Variants in SYT1 observed in about 807,000 individuals in gnomAD.
SYT1 encodes synaptotagmin 1, also known as synaptotagmin-1.
SYT1 carries 8 observed loss-of-function variants against 44.8 expected under a neutral mutation model. The ratio of observed to expected loss-of-function variants is 0.18; its 90% CI spans 0.10 to 0.32. The LOEUF (loss-of-function observed/expected upper bound fraction) is 0.32. Among genes scored for constraint, SYT1 ranks in the 10% least tolerant of loss-of-function variants. SYT1 has a pLI of 1.00. For missense variants in SYT1, 286 were observed against 509.3 expected, an observed-to-expected ratio of 0.56 and a Z score of 4.22; for synonymous variants, 154 against 188.8, an observed-to-expected ratio of 0.82 and a Z score of 1.51.
chr12:79,090,924 T>A (rs1175442992), intron 3 of SYT1, among the ~76,000 whole-genome samples: 1 of 151,996 alleles, frequency 6.6e-6, no homozygotes, highest in Non-Finnish European at 1.5e-5. Flanking sequence ...TTTAAAAGTG[T>A]CAAACCTGTC....
At chr12:78,979,775 CCAAA>C (rs1454520522) in intron 2 of SYT1, among the ~76,000 whole-genome samples, 3 of 151,816 alleles carry the variant, frequency 2.0e-5, no homozygotes, top group African/African-American at 4.8e-5. Context: ...TTCCAAGTTG[CCAAA>C]CAATGAATGA....
chr12:79,395,891 T>C (rs1331877488), intron 9 of SYT1, among the ~76,000 whole-genome samples: 4 of 152,226 alleles, frequency 2.6e-5, no homozygotes, highest in African/African-American at 9.6e-5. Flanking sequence ...ATCCAGATTT[T>C]CCTAATTTTC....
chr12:79,131,381 C>A (rs1485594740), intron 3 of SYT1, among the ~76,000 whole-genome samples: 1 of 151,946 alleles, frequency 6.6e-6, no homozygotes, highest in East Asian at 1.9e-4. Context: ...ATTCCTTCAA[C>A]AAGGGTTTTT....
chr12:79,449,079 G>T lies in SYT1; in HGVS notation c.1224G>T (p.Leu408=), dbSNP rs767694712. The part of the protein sequence containing the change: ...PRRPIAQWHT[L]QVEEEVDAML... ...GACCTATTGCCCAGTGGCACACCCT[G>T]CAGGTAGAGGAGGAAGTTGATGCCA... The change falls in exon 11 of 11, where the codon CTG becomes CTT. Residue 408 remains leucine, a synonymous_variant. Coordinates refer to ENST00000261205, the MANE Select transcript of SYT1 (RefSeq NM_005639.3). 6.2e-7 allele frequency: 1 copy of T among 1,614,050 alleles called. No homozygotes were observed. Among genetic ancestry groups the T allele is most frequent in the Admixed American group, 1.7e-5 (1 of 60,008 alleles).
At chr12:78,894,862 G>A (rs1424999468) in intron 1 of SYT1, among the ~76,000 whole-genome samples, 1 of 151,510 alleles carries the variant, frequency 6.6e-6, no homozygotes, top group African/African-American at 2.4e-5. Context: ...GATGACTGTG[G>A]TTAATAGCAG....
chr12:79,306,943 A>T (rs1880426170), intron 8 of SYT1, among the ~76,000 whole-genome samples: 1 of 152,234 alleles, frequency 6.6e-6, no homozygotes, highest in South Asian at 2.1e-4. Context: ...AAGCAATGTG[A>T]GCAACACAGG....
chr12:79,288,086 T>A (rs879041393), intron 5 of SYT1, among the ~76,000 whole-genome samples: 5 of 152,094 alleles, frequency 3.3e-5, no homozygotes, highest in Non-Finnish European at 4.4e-5. Flanking sequence ...ACTCCAGGGA[T>A]AAACGTTTAT....
chr12:79,379,306 T>TC (rs1884123690), intron 9 of SYT1, among the ~76,000 whole-genome samples: 2 of 152,192 alleles, frequency 1.3e-5, no homozygotes, highest in South Asian at 4.1e-4. Flanking sequence ...TGAAACCCTG[T>TC]CGTTTTTTAA....
chr12:79,362,214 G>A (rs1186706491), intron 9 of SYT1, among the ~76,000 whole-genome samples: 1 of 152,118 alleles, frequency 6.6e-6, no homozygotes, highest in Non-Finnish European at 1.5e-5. Flanking sequence ...GAAATGCAAA[G>A]CTCAGTGGTA....
chr12:79,440,057 C>G (rs1034792419), intron 9 of SYT1, among the ~76,000 whole-genome samples: 1 of 152,128 alleles, frequency 6.6e-6, no homozygotes, highest in African/African-American at 2.4e-5. Context: ...GAAACCCCGT[C>G]TCTACTAAAA....
chr12:79,317,248 A>G (rs1023702959), intron 8 of SYT1, among the ~76,000 whole-genome samples: 1 of 152,194 alleles, frequency 6.6e-6, no homozygotes, highest in East Asian at 1.9e-4. Context: ...AAGTGCCCGA[A>G]GGCAAAGTAG....
chr12:79,118,873 A>G (rs1437817496), intron 3 of SYT1, among the ~76,000 whole-genome samples: 1 of 152,162 alleles, frequency 6.6e-6, no homozygotes, highest in African/African-American at 2.4e-5. Flanking sequence ...ATTACTCTCA[A>G]ATCCATTATT....
intron 3 of SYT1, among the ~76,000 whole-genome samples, chr12:79,052,583 G>C (rs1413218885): frequency 6.6e-6 from 1 of 152,124 alleles, no homozygotes; most frequent in Non-Finnish European, 1.5e-5. Context: ...TACAGAATGG[G>C]AGAAAATTTT....
At chr12:79,276,106 G>A (rs1878704983) in intron 4 of SYT1, among the ~76,000 whole-genome samples, 1 of 151,474 alleles carries the variant, frequency 6.6e-6, no homozygotes, top group South Asian at 2.1e-4. Flanking sequence ...ATCCCCAGAT[G>A]AGAAAGAACC....
At chr12:79,241,417 G>T (rs780306229) in intron 4 of SYT1, among the ~76,000 whole-genome samples, 4 of 151,872 alleles carry the variant, frequency 2.6e-5, no homozygotes, top group Non-Finnish European at 5.9e-5. Flanking sequence ...ACTACAGGTG[G>T]GCGCCACCAT....
intron 2 of SYT1, among the ~76,000 whole-genome samples, chr12:79,043,609 GCATTTAGTC>G (rs1873762990): frequency 6.6e-6 from 1 of 151,246 alleles, no homozygotes; most frequent in Admixed American, 6.6e-5. Context: ...TTTAATTGGA[GCATTTAGTC>G]CATTTACATT....
intron 1 of SYT1, among the ~76,000 whole-genome samples, chr12:78,886,607 C>T (rs1202015075): frequency 1.3e-5 from 2 of 151,930 alleles, no homozygotes; most frequent in Admixed American, 1.3e-4. Context: ...GTACATACTC[C>T]TGATGTTTTT....
intron 8 of SYT1, among the ~76,000 whole-genome samples, chr12:79,334,899 T>C (rs888187678): frequency 6.6e-6 from 1 of 152,142 alleles, no homozygotes; most frequent in African/African-American, 2.4e-5. Flanking sequence ...TTAATCCTTC[T>C]TGCTTGTAAA....
intron 3 of SYT1, among the ~76,000 whole-genome samples, chr12:79,198,630 C>A (rs192595440): frequency 5.8e-4 from 89 of 152,176 alleles, no homozygotes; most frequent in Admixed American, 6.5e-5. Context: ...ATGCCCAAAT[C>A]AACTTGAACA....
Sources: allele counts gnomAD v4.1 joint callset (sites outside exome capture counted in the v4.1 genomes callset), GRCh38; gene constraint gnomAD v4.1.1; transcripts MANE v1.5; gene names NCBI Gene and HGNC (gene_info 2026-07-23, HGNC 2026-07-21).